The following GABRG3 variants were observed in gnomAD, a reference collection of about 807,000 sequenced individuals.
GABRG3 encodes gamma-aminobutyric acid type A receptor subunit gamma3.
In GABRG3, 25 loss-of-function variants were observed where a neutral mutation model predicts 48.8. The observed-to-expected ratio is 0.51, with a 90% CI of 0.37 to 0.72. The LOEUF is 0.72. Among genes scored for constraint, GABRG3 ranks in the 30% least tolerant of loss-of-function variants. The pLI is 0.00. For synonymous variants in GABRG3, 227 were observed against 217.6 expected, an observed-to-expected ratio of 1.04 and a Z score of -0.38; for missense variants, 394 against 577.9, an observed-to-expected ratio of 0.68 and a Z score of 3.26.
intron 3 of GABRG3, among the ~76,000 whole-genome samples, chr15:27,108,235 T>G (rs1056920843): frequency 3.9e-5 from 6 of 152,154 alleles, no homozygotes; most frequent in African/African-American, 1.2e-4. Context: ...GACTGACAAA[T>G]TTTGATCTTT....
At chr15:27,103,151 C>T (rs148462136) in intron 3 of GABRG3, among the ~76,000 whole-genome samples, 268 of 152,304 alleles carry the variant, frequency 1.8e-3, no homozygotes, top group African/African-American at 6.0e-3. Context: ...TGGAGCAACA[C>T]ACTCCACCAT....
intron 3 of GABRG3, among the ~76,000 whole-genome samples, chr15:27,182,509 C>T (rs113331175): frequency 2.0e-5 from 3 of 152,108 alleles, no homozygotes; most frequent in African/African-American, 7.2e-5. Flanking sequence ...TGAATGTGAA[C>T]CCGCCATGTG....
chr15:27,401,133 A>G (rs1286670035), intron 5 of GABRG3, among the ~76,000 whole-genome samples: 1 of 152,254 alleles, frequency 6.6e-6, no homozygotes, highest in African/African-American at 2.4e-5. Context: ...CAATGATTGC[A>G]GGAATTTCAA....
At chr15:27,512,927 C>A (rs1386382412) in intron 6 of GABRG3, among the ~76,000 whole-genome samples, 1 of 152,104 alleles carries the variant, frequency 6.6e-6, no homozygotes, top group Non-Finnish European at 1.5e-5. Flanking sequence ...CAAAGAAAGA[C>A]AAAACGTAAA....
intron 5 of GABRG3, among the ~76,000 whole-genome samples, chr15:27,398,970 A>G (rs938110242): frequency 3.9e-5 from 6 of 152,248 alleles, no homozygotes; most frequent in Admixed American, 1.3e-4. Flanking sequence ...CAAGGCAGCA[A>G]TCTGTTTTCT....
chr15:27,384,637 T>G (rs893325955), intron 5 of GABRG3, among the ~76,000 whole-genome samples: 1 of 152,198 alleles, frequency 6.6e-6, no homozygotes, highest in Admixed American at 6.5e-5. Flanking sequence ...TTTAGTAATA[T>G]TCTGAGCCTT....
intron 5 of GABRG3, among the ~76,000 whole-genome samples, chr15:27,428,710 G>C (rs1888364254): frequency 6.6e-6 from 1 of 152,142 alleles, no homozygotes; most frequent in South Asian, 2.1e-4. Context: ...AAACTTAATG[G>C]GGGGAAGTCT....
intron 5 of GABRG3, among the ~76,000 whole-genome samples, chr15:27,345,125 G>C (rs968533137): frequency 6.6e-6 from 1 of 152,024 alleles, no homozygotes; most frequent in Non-Finnish European, 1.5e-5. Context: ...CATAGAGTTG[G>C]GGCTTTTTAA....
intron 3 of GABRG3, among the ~76,000 whole-genome samples, chr15:27,050,616 A>G (rs1896440389): frequency 6.6e-6 from 1 of 152,248 alleles, no homozygotes; most frequent in African/African-American, 2.4e-5. Context: ...TCAGTAATGT[A>G]GAAGCAGCTG....
chr15:27,269,104 T>C (rs1395323553), intron 3 of GABRG3, among the ~76,000 whole-genome samples: 2 of 152,174 alleles, frequency 1.3e-5, no homozygotes, highest in Admixed American at 1.3e-4. Context: ...ATCCTTCACT[T>C]CTGCCAGTGT....
At chr15:27,320,769 T>A (rs1893396682) in intron 3 of GABRG3, among the ~76,000 whole-genome samples, 1 of 152,226 alleles carries the variant, frequency 6.6e-6, no homozygotes, top group African/African-American at 2.4e-5. Context: ...CTTTTAGATG[T>A]GATTTTTGTG....
At chr15:27,281,195 T>A (rs2140479600) in intron 3 of GABRG3, among the ~76,000 whole-genome samples, 1 of 152,310 alleles carries the variant, frequency 6.6e-6, no homozygotes, top group African/African-American at 2.4e-5. Flanking sequence ...CCTATATTAT[T>A]AAATTTCATG....
intron 3 of GABRG3, among the ~76,000 whole-genome samples, chr15:27,028,032 T>C (rs1896014654): frequency 6.6e-6 from 1 of 152,210 alleles, no homozygotes; most frequent in East Asian, 1.9e-4. Context: ...TGCATTTGCA[T>C]ATAGAGGGAT....
At chr15:27,367,079 C>A (rs1895230221) in intron 5 of GABRG3, among the ~76,000 whole-genome samples, 1 of 152,166 alleles carries the variant, frequency 6.6e-6, no homozygotes, top group Non-Finnish European at 1.5e-5. Flanking sequence ...AGCATCCTCA[C>A]ATCCACTGCT....
At chr15:27,331,537 G>A (rs1183834058) in intron 5 of GABRG3, among the ~76,000 whole-genome samples, 2 of 152,184 alleles carry the variant, frequency 1.3e-5, no homozygotes, top group Non-Finnish European at 2.9e-5. Flanking sequence ...TTCTGGAAAA[G>A]GCAAAACTGC....
chr15:27,482,627 C>T (rs1418694858), intron 6 of GABRG3, among the ~76,000 whole-genome samples: 16 of 136,348 alleles, frequency 1.2e-4, no homozygotes, highest in Admixed American at 1.2e-3. Context: ...AACACACTTA[C>T]TTACATAATC....
At chr15:27,102,558 G>T (rs1595526526) in intron 3 of GABRG3, among the ~76,000 whole-genome samples, 2 of 152,194 alleles carry the variant, frequency 1.3e-5, no homozygotes, top group Non-Finnish European at 2.9e-5. Flanking sequence ...ATGGTCGTGG[G>T]GACTGCATTT....
At chr15:27,132,137 T>G (rs974207688) in intron 3 of GABRG3, among the ~76,000 whole-genome samples, 1 of 152,164 alleles carries the variant, frequency 6.6e-6, no homozygotes, top group African/African-American at 2.4e-5. Context: ...TTTAGTTTGA[T>G]GTAATCCAAT....
At position 27,026,755 on chromosome 15, in the gene GABRG3, A is replaced by G; in HGVS notation, c.204A>G (p.Ile68Met). 6.2e-7 allele frequency: 1 copy of G among 1,610,860 alleles called. No homozygotes were observed. Among genetic ancestry groups the G allele is most frequent in the Non-Finnish European group, 8.5e-7 (1 of 1,178,746 alleles). Residue 68 changes from isoleucine (I) to methionine (M), a missense_variant and splice_region_variant, in exon 3 of 10, where the codon ATA (isoleucine) becomes ATG (methionine). Around this residue, in one of 3 missense-constraint regions of GABRG3, gnomAD observed 218 missense variants for 309.9 expected, o/e 0.70. Transcript: ENST00000615808. The part of the protein sequence containing the change: ...YDKKLRPDIG[I>M]KPTVIDVDIY... ...ACATACATGTATTTTTCTCCACAGT[A>G]AAACCGACCGTAATTGACGTTGACA...
Sources: gnomAD v4.1 joint callset for allele counts (sites outside exome capture counted in the v4.1 genomes callset) on GRCh38, gnomAD v4.1.1 for gene constraint, gnomAD v4.1.1 regional missense constraint, MANE v1.5 for transcripts, NCBI Gene and HGNC (gene_info 2026-07-23, HGNC 2026-07-21) for gene names.